The following UTP14A variants were observed in gnomAD, a reference collection of about 807,000 sequenced individuals.
UTP14A encodes UTP14A small subunit processome component.
A neutral mutation model predicts 57.2 loss-of-function variants in UTP14A; 5 were observed. The ratio of observed to expected loss-of-function variants is 0.09; its 90% CI spans 0.05 to 0.18. UTP14A has a LOEUF of 0.18. Among genes scored for constraint, UTP14A ranks in the 10% least tolerant of loss-of-function variants. The pLI is 1.00. For synonymous variants in UTP14A, 169 were observed against 210.9 expected (o/e 0.80, Z 1.72); for missense variants, 430 against 562.1 (o/e 0.76, Z 2.38).
At chrX:129,911,620 C>G in intron 5 of UTP14A, 146 bp from the exon 6 acceptor site, 1 of 668,275 alleles carries the variant, frequency 1.5e-6, no homozygotes, top group African/African-American at 2.2e-5. Context: ...AGCAAGAGGA[C>G]TAGCATCCTG....
At chrX:129,921,873 C>G in intron 11 of UTP14A, 1 of 273,736 alleles carries the variant, frequency 3.7e-6, no homozygotes, top group South Asian at 1.0e-4. Flanking sequence ...AAACCATACT[C>G]GAAGTCAGGG....
Position 129,929,455 on chromosome X carries a change from C to G in UTP14A, c.2163C>G (p.Val721=). Residue 721 remains valine (V), a synonymous_variant, in exon 15 of 15, where the codon GTC becomes GTG. Transcript: ENST00000394422. ...TCCAAAAGCTGACTACTCCCAAGGT[C>G]GTCACCAAGCCAGGCCATATCATTA... The part of the protein sequence containing the change: ...RAFQKLTTPK[V]VTKPGHIINP... 1 of 1,211,763 alleles carries G rather than the reference C, an allele frequency of 8.3e-7. No homozygotes were observed. The highest frequency in any genetic ancestry group is 1.8e-5 in the South Asian group (1 of 56,993).
At chrX:129,907,245 A>G in intron 1 of UTP14A, 122 bp from the exon 2 acceptor site, 1 of 532,111 alleles carries the variant, frequency 1.9e-6, no homozygotes, top group Non-Finnish European at 2.9e-6. Context: ...TAGATTAGAC[A>G]TTGCTTCAAA....
chrX:129,917,491 G>A (rs1929733794), intron 6 of UTP14A, among the ~76,000 whole-genome samples: 1 of 111,567 alleles, frequency 9.0e-6, no homozygotes, highest in African/African-American at 3.3e-5. Flanking sequence ...AATGTGGACC[G>A]TGGCATGATC....
In UTP14A at chrX:129,929,365, C is replaced by T; in HGVS notation, c.2073C>T (p.His691=). 12 of 1,211,455 alleles carry T rather than the reference C, an allele frequency of 9.9e-6. No homozygotes were observed. The highest frequency in any genetic ancestry group is 1.3e-5 in the Non-Finnish European group (12 of 895,324). ...QVRVLPYPFT[H]HWQFERTIQT... is the part of the protein sequence containing the mutation. ...GAGTGCTTCCATATCCATTTACCCA[C>T]CATTGGCAATTTGAAAGGACCATCC... is the stretch of plus-strand genomic sequence containing the variant. Residue 691 remains histidine, a synonymous_variant, in exon 15 of 15, where the codon CAC becomes CAT. Transcript: ENST00000394422.
intron 6 of UTP14A, among the ~76,000 whole-genome samples, chrX:129,912,961 T>G (rs1316340704): frequency 8.9e-6 from 1 of 112,146 alleles, no homozygotes; most frequent in Admixed American, 9.6e-5. Flanking sequence ...ATGGTAGTTA[T>G]GCTCTTGGCA....
chrX:129,918,505 T>C (rs1194088061), intron 6 of UTP14A, among the ~76,000 whole-genome samples: 1 of 111,719 alleles, frequency 9.0e-6, no homozygotes. Flanking sequence ...AGTTATGTGC[T>C]TCAAATGATA....
At chrX:129,917,469 G>C (rs192786497) in intron 6 of UTP14A, among the ~76,000 whole-genome samples, 232 of 111,735 alleles carry the variant, frequency 2.1e-3, no homozygotes, top group African/African-American at 6.8e-3. Flanking sequence ...GGCTGTCTTT[G>C]TGCCTTGCCA....
intron 14 of UTP14A, among the ~76,000 whole-genome samples, chrX:129,927,425 C>G (rs746278142): frequency 8.9e-6 from 1 of 111,949 alleles, no homozygotes; most frequent in African/African-American, 3.2e-5. Context: ...AATCTGTTTC[C>G]TTTGCTACTA....
chrX:129,911,728 T>C, intron 5 of UTP14A, 38 bp from the exon 6 acceptor site: 1 of 1,202,342 alleles, frequency 8.3e-7, no homozygotes, highest in Admixed American at 2.2e-5. Flanking sequence ...TGCTTTAATC[T>C]TGTGGCTCTT....
In UTP14A at chrX:129,925,088, G is replaced by A. The variant is rs1930054044; in HGVS notation, c.1642G>A (p.Ala548Thr). 1 of 1,211,599 alleles carries A rather than the reference G, an allele frequency of 8.3e-7. No homozygotes were observed. The highest frequency in any genetic ancestry group is 1.7e-5 in the African/African-American group (1 of 57,718). The change falls in exon 12 of 15, where the codon GCC becomes ACC. Residue 548 changes from alanine to threonine, a missense_variant. This residue lies in a region of UTP14A where 120 missense variants were observed against 116.8 expected (regional missense o/e 1.03). Transcript: ENST00000394422. ...SERTPNNRPDAPKEKKKKEQM... is the reference protein window; with the variant it reads ...SERTPNNRPDTPKEKKKKEQM... ...GAGGACCCCAAATAATCGCCCTGAT[G>A]CCCCTAAGGAGAAGAAAAAGAAGGA... is the stretch of plus-strand genomic sequence containing the variant.
Position 129,921,538 on chromosome X carries a change from A to T in UTP14A, c.1299A>T (p.Arg433Ser). Residue 433 changes from arginine to serine, a missense_variant, in exon 11 of 15, where the codon AGA (arginine) becomes AGT (serine). Arg to Ser is a moderately radical substitution (Grantham distance 110). Around this residue, in one of 4 missense-constraint regions of UTP14A, gnomAD observed 120 missense variants for 116.8 expected, o/e 1.03. Coordinates refer to ENST00000394422, the MANE Select transcript of UTP14A (RefSeq NM_006649.4). ...AGGAAAGGCGATCCCTTAGAAAAAG[A>T]TCTGAGCTCAGCCAAGATGCTGAGC... ...EFEERRSLRKRSELSQDAEPA... is the reference protein window; with the variant it reads ...EFEERRSLRKSSELSQDAEPA... The T allele has an allele frequency of 8.3e-7, 1 of 1,211,616 alleles. No homozygotes were observed. The highest frequency in any genetic ancestry group is 1.1e-6 in the Non-Finnish European group (1 of 895,517).
Position 129,929,537 on chromosome X carries a change from G to A in UTP14A, c.2245G>A (p.Val749Ile), listed in dbSNP as rs761193173. Residue 749 changes from valine (V) to isoleucine (I), a missense_variant, in exon 15 of 15, where the codon GTC (valine) becomes ATC (isoleucine). Transcript: ENST00000394422. ...YRSSSRSDLS[V>I]IQRNPKRITT... Reference sequence around the variant, plus strand: ...GTCTTCCTCAAGGTCGGACCTGTCTGTCATACAGAGGAATCCAAAACGAAT... The same window carrying A: ...GTCTTCCTCAAGGTCGGACCTGTCTATCATACAGAGGAATCCAAAACGAAT... 1 of 1,211,674 alleles carries A rather than the reference G, an allele frequency of 8.3e-7. No individual in the cohort carries two copies. The highest frequency in any genetic ancestry group is 1.8e-5 in the South Asian group (1 of 57,006).
intron 14 of UTP14A, among the ~76,000 whole-genome samples, chrX:129,927,845 G>A (rs1188579914): frequency 8.9e-6 from 1 of 111,760 alleles, no homozygotes; most frequent in Non-Finnish European, 1.9e-5. Flanking sequence ...TTCTGCTTAC[G>A]TGTTTTCCTC....
chrX:129,929,702 C>T lies in UTP14A; in HGVS notation c.*94C>T. 9.7e-7 allele frequency: 1 copy of T among 1,032,059 alleles called. No homozygotes were observed. The highest frequency in any genetic ancestry group is 1.3e-6 in the Non-Finnish European group (1 of 761,625). 85.1% of individuals were successfully genotyped at this position (1,032,059 alleles called of 1,213,427 possible). A position where few individuals can be genotyped will look rare whatever the true frequency, so the allele number is the denominator to read the frequency against. ...GGTGGATTCCAAAACTGGCTCAGTA[C>T]ATTGCATGTAGTTAAGCCACATTTT... On this transcript the variant is annotated 3_prime_UTR_variant, in exon 15 of 15. Coordinates refer to ENST00000394422, the MANE Select transcript of UTP14A (RefSeq NM_006649.4).
At chrX:129,910,239 A>G (rs1929413962) in intron 4 of UTP14A, among the ~76,000 whole-genome samples, 1 of 111,744 alleles carries the variant, frequency 8.9e-6, no homozygotes, top group African/African-American at 3.3e-5. Flanking sequence ...AAAGCATTCT[A>G]GAGGGTGGGG....
At chrX:129,911,554 G>A (rs959658910) in intron 5 of UTP14A, among the ~76,000 whole-genome samples, 2 of 111,301 alleles carry the variant, frequency 1.8e-5, no homozygotes, top group South Asian at 3.8e-4. Context: ...TGGGCAACAC[G>A]AGTGAAACTC....
chrX:129,910,899 C>T (rs2124191487), intron 4 of UTP14A, 109 bp from the exon 5 acceptor site: 3 of 978,601 alleles, frequency 3.1e-6, no homozygotes, highest in South Asian at 2.5e-5. Flanking sequence ...ATTCTTGCTT[C>T]TCTGCACATT....
chrX:129,909,498 C>T (rs1051416747), intron 4 of UTP14A, among the ~76,000 whole-genome samples: 1 of 111,484 alleles, frequency 9.0e-6, no homozygotes, highest in Admixed American at 9.6e-5. Context: ...CGTGAGCCAC[C>T]GTGCGCGGCC....
Sources: allele counts gnomAD v4.1 joint callset (sites outside exome capture counted in the v4.1 genomes callset), GRCh38; gene constraint gnomAD v4.1.1; regional missense constraint gnomAD v4.1.1; transcripts MANE v1.5; gene names NCBI Gene and HGNC (gene_info 2026-07-23, HGNC 2026-07-21).